The following KCNIP4 variants were observed in gnomAD, a reference collection of about 807,000 sequenced individuals.
The protein encoded by KCNIP4 is Kv channel-interacting protein 4.
In KCNIP4, 12 loss-of-function variants were observed where a neutral mutation model predicts 34.0. That is an observed-to-expected ratio of 0.35 (90% CI 0.23 to 0.57). The LOEUF is 0.57. KCNIP4 is among the 20% of genes least tolerant of loss of function. The pLI is 0.83. For synonymous variants in KCNIP4, 124 were observed against 102.2 expected, an observed-to-expected ratio of 1.21 and a Z score of -1.29; for missense variants, 238 against 311.7, an observed-to-expected ratio of 0.76 and a Z score of 1.78.
intron 1 of KCNIP4, among the ~76,000 whole-genome samples, chr4:21,819,768 T>C (rs1201964855): frequency 6.6e-6 from 1 of 152,136 alleles, no homozygotes; most frequent in Non-Finnish European, 1.5e-5. Context: ...TTTGAAAATA[T>C]CACATAAAAC....
chr4:21,931,002 T>C (rs1297840180), intron 1 of KCNIP4, among the ~76,000 whole-genome samples: 2 of 152,148 alleles, frequency 1.3e-5, no homozygotes, highest in South Asian at 2.1e-4. Flanking sequence ...TCTAAACTCA[T>C]GGAGTCTCAA....
intron 1 of KCNIP4, among the ~76,000 whole-genome samples, chr4:21,165,649 A>G (rs1416177819): frequency 1.3e-5 from 2 of 152,180 alleles, no homozygotes; most frequent in African/African-American, 4.8e-5. Flanking sequence ...TTTTCTAGAT[A>G]TGAGACCAAA....
chr4:21,261,304 G>C (rs1465335587), intron 1 of KCNIP4, among the ~76,000 whole-genome samples: 1 of 152,082 alleles, frequency 6.6e-6, no homozygotes, highest in Non-Finnish European at 1.5e-5. Context: ...TCATTGCTGG[G>C]AGAAAAGGGG....
At chr4:20,780,204 C>G (rs1037218102) in intron 3 of KCNIP4, among the ~76,000 whole-genome samples, 1 of 152,136 alleles carries the variant, frequency 6.6e-6, no homozygotes, top group Admixed American at 6.6e-5. Context: ...GGGCTTAAGA[C>G]AGTTGAATGG....
chr4:21,066,882 G>A (rs1744443614), intron 1 of KCNIP4, among the ~76,000 whole-genome samples: 1 of 152,150 alleles, frequency 6.6e-6, no homozygotes. Context: ...GGGGCCAGGG[G>A]ACTTGGAGTG....
At chr4:20,860,793 A>G (rs1722112603) in intron 2 of KCNIP4, among the ~76,000 whole-genome samples, 1 of 152,172 alleles carries the variant, frequency 6.6e-6, no homozygotes, top group Non-Finnish European at 1.5e-5. Flanking sequence ...AAGATTCTTG[A>G]CCATAGCATT....
intron 1 of KCNIP4, among the ~76,000 whole-genome samples, chr4:21,127,883 T>C (rs926761980): frequency 6.6e-6 from 1 of 152,204 alleles, no homozygotes; most frequent in Admixed American, 6.5e-5. Flanking sequence ...AACAAAGATA[T>C]ATAAAAATCA....
At chr4:21,381,816 G>A (rs935242415) in intron 1 of KCNIP4, among the ~76,000 whole-genome samples, 1 of 152,146 alleles carries the variant, frequency 6.6e-6, no homozygotes, top group African/African-American at 2.4e-5. Context: ...ATTCATTGAG[G>A]AGGAGTAAGT....
At chr4:20,773,094 A>C (rs1367593180) in intron 3 of KCNIP4, among the ~76,000 whole-genome samples, 2 of 151,900 alleles carry the variant, frequency 1.3e-5, no homozygotes, top group Admixed American at 1.3e-4. Flanking sequence ...TTGTTGCAAA[A>C]CTTTCTTAGT....
At chr4:21,264,245 T>C (rs1214735280) in intron 1 of KCNIP4, among the ~76,000 whole-genome samples, 1 of 92,320 alleles carries the variant, frequency 1.1e-5, no homozygotes, top group African/African-American at 4.1e-5. Context: ...GACAACAGTC[T>C]GGAAAACATG....
intron 1 of KCNIP4, among the ~76,000 whole-genome samples, chr4:21,139,742 C>T (rs200789931): frequency 8.6e-5 from 3 of 34,984 alleles, no homozygotes; most frequent in Admixed American, 4.2e-4. Flanking sequence ...TCTTTCTCTC[C>T]GTCCGTCCAT....
intron 1 of KCNIP4, among the ~76,000 whole-genome samples, chr4:20,912,272 T>A (rs898753094): frequency 5.3e-5 from 8 of 152,142 alleles, no homozygotes; most frequent in African/African-American, 1.9e-4. Context: ...AATGACATGA[T>A]CTTGTATGTA....
intron 1 of KCNIP4, among the ~76,000 whole-genome samples, chr4:21,556,320 A>G (rs1244101737): frequency 1.3e-5 from 2 of 152,192 alleles, no homozygotes; most frequent in African/African-American, 4.8e-5. Flanking sequence ...AGTTAACACT[A>G]CATCCAATTT....
intron 1 of KCNIP4, among the ~76,000 whole-genome samples, chr4:21,151,628 A>T (rs1262317665): frequency 1.3e-5 from 2 of 151,894 alleles, no homozygotes; most frequent in Admixed American, 1.3e-4. Context: ...ATCTAAAACA[A>T]ATTATCTCCC....
chr4:21,158,442 G>A (rs887930264), intron 1 of KCNIP4, among the ~76,000 whole-genome samples: 8 of 152,112 alleles, frequency 5.3e-5, no homozygotes, highest in Non-Finnish European at 1.0e-4. Flanking sequence ...TGTATAAAAT[G>A]ATAATGCATT....
intron 1 of KCNIP4, among the ~76,000 whole-genome samples, chr4:20,961,117 G>T (rs1283248299): frequency 6.6e-6 from 1 of 152,006 alleles, no homozygotes; most frequent in African/African-American, 2.4e-5. Context: ...AAAACAAAAG[G>T]CCTAAGGAAA....
chr4:21,407,377 G>T (rs1387117596), intron 1 of KCNIP4, among the ~76,000 whole-genome samples: 1 of 151,728 alleles, frequency 6.6e-6, no homozygotes, highest in Non-Finnish European at 1.5e-5. Context: ...ATAATTGCTG[G>T]GCATTTCCTA....
At chr4:20,824,870 T>C (rs1717543321) in intron 3 of KCNIP4, among the ~76,000 whole-genome samples, 2 of 152,170 alleles carry the variant, frequency 1.3e-5, no homozygotes, top group African/African-American at 4.8e-5. Context: ...ATAACCCAGA[T>C]AACTTGGTTT....
chr4:21,676,768 GT>G (rs1749937587), intron 1 of KCNIP4, among the ~76,000 whole-genome samples: 1 of 152,142 alleles, frequency 6.6e-6, no homozygotes, highest in Admixed American at 6.5e-5. Context: ...ACTCAGTAAA[GT>G]TGGAAAATAT....
Sources: allele counts gnomAD v4.1 joint callset (sites outside exome capture counted in the v4.1 genomes callset), GRCh38; gene constraint gnomAD v4.1.1; transcripts MANE v1.5; gene names NCBI Gene and HGNC (gene_info 2026-07-23, HGNC 2026-07-21).